Variants in PRKN observed in about 807,000 individuals in gnomAD.
The protein encoded by PRKN is parkin RBR E3 ubiquitin protein ligase, also known as E3 ubiquitin-protein ligase parkin.
Under a neutral mutation model 59.5 loss-of-function variants are expected in PRKN, and 56 were observed. That is an observed-to-expected ratio of 0.94 (90% CI 0.76 to 1.18). The LOEUF is 1.18. PRKN is among the 50% of genes most tolerant of loss of function. PRKN has a pLI of 0.00. For missense variants in PRKN, 657 were observed against 596.4 expected (o/e 1.10, Z -1.06); for synonymous variants, 250 against 222.1 (o/e 1.13, Z -1.12).
Position 161,900,662 on chromosome 6 carries a change from A to G in PRKN, c.734+72640T>C, listed in dbSNP as rs1400889922. 2.3e-5 allele frequency among the ~76,000 whole-genome samples: 3 copies of G among 132,258 alleles called. No homozygotes were observed. The Admixed American group carries it at 2.6e-4, about 11-fold the overall frequency. 86.8% of individuals were successfully genotyped at this position (132,258 alleles called of 152,430 possible). ...ATATTATATATTATATATAACATAT[A>G]TTATATATGTTATATATAATATATT... On this transcript the variant is annotated intron_variant, in intron 6 of 11. Transcript: ENST00000366898.
At chr6:161,728,922 A>G (rs758641263) in intron 7 of PRKN, among the ~76,000 whole-genome samples, 1 of 152,264 alleles carries the variant, frequency 6.6e-6, no homozygotes, top group African/African-American at 2.4e-5. Context: ...CCTCTCCTGC[A>G]GGAAAAGTAA....
At chr6:162,179,874 A>C (rs974078761) in intron 4 of PRKN, among the ~76,000 whole-genome samples, 3 of 151,452 alleles carry the variant, frequency 2.0e-5, no homozygotes, top group Non-Finnish European at 2.9e-5. Context: ...TGTGAAACTT[A>C]AATATCTATT....
intron 1 of PRKN, among the ~76,000 whole-genome samples, chr6:162,556,342 G>GGTGTGTGTGTGTGTGTGT (rs202002846): frequency 1.0e-4 from 6 of 57,300 alleles, no homozygotes; most frequent in East Asian, 1.5e-3. Context: ...CTACTCAGCT[G>GGTGTGTGTGTGTGTGTGT]GTGTGTGTGT....
chr6:162,537,077 A>C (rs756589907), intron 1 of PRKN, among the ~76,000 whole-genome samples: 1 of 152,168 alleles, frequency 6.6e-6, no homozygotes, highest in African/African-American at 2.4e-5. Flanking sequence ...AAGGCTTAGA[A>C]GGCTGGCTTC....
intron 6 of PRKN, among the ~76,000 whole-genome samples, chr6:161,810,667 A>G (rs951397407): frequency 6.6e-6 from 1 of 152,214 alleles, no homozygotes; most frequent in Non-Finnish European, 1.5e-5. Context: ...AAATGAAAAT[A>G]CCTATGCTAA....
At chr6:161,810,574 T>C (rs1452543451) in intron 6 of PRKN, among the ~76,000 whole-genome samples, 2 of 152,192 alleles carry the variant, frequency 1.3e-5, no homozygotes, top group Non-Finnish European at 2.9e-5. Context: ...GAAAGCATCA[T>C]ACCTTGGTTG....
At chr6:161,692,319 GA>G (rs1785830113) in intron 7 of PRKN, among the ~76,000 whole-genome samples, 2 of 152,072 alleles carry the variant, frequency 1.3e-5, no homozygotes, top group Admixed American at 1.3e-4. Context: ...AGTTTTTAAA[GA>G]AACACTCAAA....
At chr6:161,598,209 T>C (rs1465386042) in intron 7 of PRKN, among the ~76,000 whole-genome samples, 2 of 152,206 alleles carry the variant, frequency 1.3e-5, no homozygotes, top group Non-Finnish European at 2.9e-5. Context: ...CCTAGTGCTC[T>C]GGGTGAAAGA....
chr6:162,614,590 T>G (rs979865517), intron 1 of PRKN, among the ~76,000 whole-genome samples: 1 of 152,168 alleles, frequency 6.6e-6, no homozygotes, highest in African/African-American at 2.4e-5. Context: ...AAAAATATTT[T>G]TAAGGATGCC....
rs1335350483 is a variant in PRKN, at chr6:161,444,363, G to C, written c.1084-57486C>G. 6.6e-6 allele frequency among the ~76,000 whole-genome samples: 1 copy of C among 152,176 alleles called. No individual in the cohort carries two copies. Among genetic ancestry groups the C allele is most frequent in the Non-Finnish European group, 1.5e-5 (1 of 68,034 alleles). The stretch of plus-strand genomic sequence containing the variant: ...CAGAATGTGCTCTGTAATGGGTTTA[G>C]CCAAAGCATCCCCACCACCTTCCTC... On this transcript the variant is annotated intron_variant, in intron 9 of 11. Transcript: ENST00000366898. This position sits in a 1 kb window ranked among gnomAD's most constrained non-coding sequence, Gnocchi z 5.6.
chr6:161,517,565 C>A (rs571749697), intron 9 of PRKN, among the ~76,000 whole-genome samples: 1 of 151,696 alleles, frequency 6.6e-6, no homozygotes, highest in African/African-American at 2.4e-5. Context: ...ACGGTGAAAC[C>A]CTGTCTCTAC....
At chr6:161,883,801 C>T (rs75441391) in intron 6 of PRKN, among the ~76,000 whole-genome samples, 19 of 151,838 alleles carry the variant, frequency 1.3e-4, no homozygotes, top group East Asian at 3.9e-4. Context: ...TACAGCCGCG[C>T]GCCACCACGC....
chr6:161,514,537 G>A (rs138579144), intron 9 of PRKN, among the ~76,000 whole-genome samples: 1 of 152,248 alleles, frequency 6.6e-6, no homozygotes, highest in African/African-American at 2.4e-5. Context: ...ATCTGAACGC[G>A]AGGGACAAGG....
Position 162,011,423 on chromosome 6 carries a change from A to G in PRKN, c.619-38006T>C, listed in dbSNP as rs1562458985. ...ATAAATATATAATATATTATATTTTATAATATATATGTTATATATTTATAA... is the reference window on the plus strand; with the variant it reads ...ATAAATATATAATATATTATATTTTGTAATATATATGTTATATATTTATAA... On this transcript the variant is annotated intron_variant, in intron 5 of 11. Transcript: ENST00000366898. 2.0e-4 allele frequency among the ~76,000 whole-genome samples: 3 copies of G among 15,110 alleles called. 1 individual carries two copies. The South Asian group carries it at 4.6e-3, about 23-fold the overall frequency. The allele number at this position is 15,110 out of a possible 152,430, so 9.9% of individuals were successfully genotyped here. A position where few individuals can be genotyped will look rare whatever the true frequency, so the allele number is the denominator to read the frequency against.
intron 6 of PRKN, among the ~76,000 whole-genome samples, chr6:161,837,322 A>G (rs1792799235): frequency 6.6e-6 from 1 of 152,216 alleles, no homozygotes; most frequent in Admixed American, 6.5e-5. Context: ...AATGAAAGAG[A>G]GAAGAGAAAC....
intron 1 of PRKN, among the ~76,000 whole-genome samples, chr6:162,705,857 G>A (rs1778320758): frequency 6.6e-6 from 1 of 152,132 alleles, no homozygotes; most frequent in African/African-American, 2.4e-5. Context: ...GTACTTAGAG[G>A]TAAACTCTCA....
intron 1 of PRKN, among the ~76,000 whole-genome samples, chr6:162,692,023 CTTTAG>C (rs921105030): frequency 2.6e-5 from 4 of 152,086 alleles, no homozygotes; most frequent in African/African-American, 9.6e-5. Flanking sequence ...TGCAGAAGCT[CTTTAG>C]TTTAATTAGA....
At chr6:162,449,940 C>T (rs1441171882) in intron 1 of PRKN, among the ~76,000 whole-genome samples, 2 of 152,140 alleles carry the variant, frequency 1.3e-5, no homozygotes, top group African/African-American at 4.8e-5. Flanking sequence ...AAGGGAGTGC[C>T]CATTCTCACA....
At chr6:161,725,488 A>G (rs1787403041) in intron 7 of PRKN, among the ~76,000 whole-genome samples, 1 of 152,210 alleles carries the variant, frequency 6.6e-6, no homozygotes. Context: ...TGCAGAAGTG[A>G]TTTGCTAAAG....
Sources: allele counts gnomAD v4.1 joint callset (sites outside exome capture counted in the v4.1 genomes callset), GRCh38; gene constraint gnomAD v4.1.1; non-coding constraint Gnocchi (gnomAD v3.1); transcripts MANE v1.5; gene names NCBI Gene and HGNC (gene_info 2026-07-23, HGNC 2026-07-21).